FZD3: variants seen among roughly 807,000 people sequenced by gnomAD.
FZD3 encodes the protein frizzled class receptor 3.
FZD3 carries 30 observed loss-of-function variants against 60.7 expected under a neutral mutation model. The observed-to-expected ratio is 0.49, with a 90% confidence interval of 0.37 to 0.67. The LOEUF (loss-of-function observed/expected upper bound fraction) is 0.67, where lower values mean the gene tolerates loss of function less well. Ranked by LOEUF, FZD3 falls within the 30% of genes least tolerant of loss-of-function variation. The probability of loss-of-function intolerance (pLI) is 0.00; values close to 1 mark genes in which losing one functional copy is unlikely to be tolerated. For missense variants in FZD3, 605 were observed against 838.7 expected, an observed-to-expected ratio of 0.72 and a Z score of 3.44; for synonymous variants, 246 against 275.2, an observed-to-expected ratio of 0.89 and a Z score of 1.05.
chr8:28,532,727 T>C (rs896590228), intron 5 of FZD3, among the ~76,000 whole-genome samples: 3 of 152,192 alleles, frequency 2.0e-5, no homozygotes, highest in African/African-American at 7.2e-5. Context: ...TTATTTTGTG[T>C]ATTGGTTTTA....
rs574560114 is a variant in FZD3, at chr8:28,567,638, A to G, written c.*4627A>G. ...TATAGAAAACAAGGTTACAGTCTTC[A>G]TTAGTATTTCTTTTTAGCAATAACA... is the stretch of plus-strand genomic sequence containing the variant. On this transcript the variant is annotated 3_prime_UTR_variant, in exon 8 of 8. Transcript: ENST00000240093. 7.2e-5 allele frequency: 11 copies of G among 152,282 alleles called. No homozygotes were observed. Among genetic ancestry groups the G allele is most frequent in the African/African-American group, 1.9e-4 (8 of 41,556 alleles). 9.4% of individuals were successfully genotyped at this position (152,282 alleles called of 1,614,324 possible). A position where few individuals can be genotyped will look rare whatever the true frequency, so the allele number is the denominator to read the frequency against.
rs141694880 is a variant in FZD3, at chr8:28,535,836, C to T, written c.1404+7672C>T. On this transcript the variant is annotated intron_variant, in intron 5 of 7. Coordinates refer to ENST00000240093, the MANE Select transcript of FZD3 (RefSeq NM_017412.4). ...ATAATAATTTCCTCTATTTTTAGTG[C>T]CTTCTAAGAGTTTCAGAGTATCCTG... Among the ~76,000 whole-genome samples, 517 of 152,136 alleles carry T rather than the reference C, an allele frequency of 3.4e-3. 3 individuals carry two copies. The highest frequency in any genetic ancestry group is 0.012 in the African/African-American group (499 of 41,494).
intron 1 of FZD3, among the ~76,000 whole-genome samples, chr8:28,498,564 A>G (rs921267073): frequency 1.3e-5 from 2 of 152,112 alleles, no homozygotes; most frequent in African/African-American, 4.8e-5. Flanking sequence ...ATGTTTATCA[A>G]AAGTTTTTAT....
Position 28,551,600 on chromosome 8 carries a change from C to T in FZD3, c.1405-3C>T. ...TAAGATGCTTTTCTTTCTGTTCTTC[C>T]AGGTTACTCAAATGAGTCGTCCAGA... On this transcript the variant is annotated splice_polypyrimidine_tract_variant and splice_region_variant and intron_variant, in intron 5 of 7. Transcript: ENST00000240093. 6.3e-7 allele frequency: 1 copy of T among 1,587,786 alleles called. No homozygotes were observed. Among genetic ancestry groups the T allele is most frequent in the Non-Finnish European group, 8.6e-7 (1 of 1,160,532 alleles).
chr8:28,559,939 AATAC>A (rs1472769081), intron 7 of FZD3, among the ~76,000 whole-genome samples: 1 of 152,242 alleles, frequency 6.6e-6, no homozygotes, highest in African/African-American at 2.4e-5. Context: ...GGCTGAGGTG[AATAC>A]ACCTACACAT....
rs575240121 is a variant in FZD3, at chr8:28,536,327, C to T, written c.1404+8163C>T. On this transcript the variant is annotated intron_variant, in intron 5 of 7. Coordinates refer to ENST00000240093, the MANE Select transcript of FZD3 (RefSeq NM_017412.4). ...AATTTTGACAATAGAACATTTATTT[C>T]GGTAACAGAAATGTGTTACCATAGT... Among the ~76,000 whole-genome samples the T allele has an allele frequency of 5.9e-5, 9 of 152,262 alleles. 1 individual carries two copies. The South Asian group carries it at 1.0e-3, about 18-fold the overall frequency.
At chr8:28,499,144 T>G (rs1430095873) in intron 1 of FZD3, among the ~76,000 whole-genome samples, 5 of 152,210 alleles carry the variant, frequency 3.3e-5, no homozygotes, top group Non-Finnish European at 5.9e-5. Context: ...CACAAAATAA[T>G]GTACTATAGG....
At position 28,567,076 on chromosome 8, in the gene FZD3, G is replaced by A. The variant is rs1175137003; in HGVS notation, c.*4065G>A. The A allele has an allele frequency of 6.6e-6, 1 of 152,200 alleles. No individual in the cohort carries two copies. Among genetic ancestry groups the A allele is most frequent in the East Asian group, 1.9e-4 (1 of 5,194 alleles). 9.4% of individuals were successfully genotyped at this position (152,200 alleles called of 1,614,324 possible). A position where few individuals can be genotyped will look rare whatever the true frequency, so the allele number is the denominator to read the frequency against. On this transcript the variant is annotated 3_prime_UTR_variant, in exon 8 of 8. Coordinates refer to ENST00000240093, the MANE Select transcript of FZD3 (RefSeq NM_017412.4). Reference sequence around the variant, plus strand: ...AGTTCATTATAACCTTGAACTCCTAGGCTCAAGCAGTCCTCCAGCTTCAGC... The same window carrying A: ...AGTTCATTATAACCTTGAACTCCTAAGCTCAAGCAGTCCTCCAGCTTCAGC...
chr8:28,525,648 A>G (rs1317767747), intron 4 of FZD3, among the ~76,000 whole-genome samples: 1 of 152,152 alleles, frequency 6.6e-6, no homozygotes, highest in Non-Finnish European at 1.5e-5. Context: ...TAGCTCTGGT[A>G]AGGAATTTGG....
At position 28,555,833 on chromosome 8, in the gene FZD3, G is replaced by T. The variant is rs1254599094; in HGVS notation, c.1649G>T (p.Gly550Val). ...ACTCCTATCATAAGAAAGTCAAGGGGAACTTCCACTCAAGGAACATCCACC... is the reference window on the plus strand; with the variant it reads ...ACTCCTATCATAAGAAAGTCAAGGGTAACTTCCACTCAAGGAACATCCACC... Reference protein sequence around the residue: ...PNTPIIRKSRGTSTQGTSTHA... With the variant: ...PNTPIIRKSRVTSTQGTSTHA... Residue 550 changes from glycine to valine, a missense_variant, in exon 7 of 8, where the codon GGA becomes GTA. Coordinates refer to ENST00000240093, the MANE Select transcript of FZD3 (RefSeq NM_017412.4). The T allele has an allele frequency of 6.2e-7, 1 of 1,613,300 alleles. No homozygotes were observed. Among genetic ancestry groups the T allele is most frequent in the Non-Finnish European group, 8.5e-7 (1 of 1,179,372 alleles).
At chr8:28,543,618 T>C (rs1050127787) in intron 5 of FZD3, among the ~76,000 whole-genome samples, 14 of 152,048 alleles carry the variant, frequency 9.2e-5, no homozygotes, top group Non-Finnish European at 2.1e-4. Context: ...TGACCTCAAG[T>C]GATGTGCTCG....
At chr8:28,519,147 A>G (rs951578327) in intron 3 of FZD3, among the ~76,000 whole-genome samples, 1 of 152,216 alleles carries the variant, frequency 6.6e-6, no homozygotes, top group Admixed American at 6.5e-5. Context: ...AATAATATAC[A>G]TCAGTGCAGA....
chr8:28,549,915 C>A (rs1339676592), intron 5 of FZD3, among the ~76,000 whole-genome samples: 1 of 151,994 alleles, frequency 6.6e-6, no homozygotes, highest in Non-Finnish European at 1.5e-5. Flanking sequence ...CTGTTTGGTC[C>A]TGGCCTATTC....
At chr8:28,543,850 C>CTGGGGAAAAACTTTATG (rs1805233032) in intron 5 of FZD3, among the ~76,000 whole-genome samples, 1 of 152,022 alleles carries the variant, frequency 6.6e-6, no homozygotes, top group African/African-American at 2.4e-5. Context: ...AAAGTTTTTC[C>CTGGGGAAAAACTTTATG]AGCTTAATAG....
intron 5 of FZD3, among the ~76,000 whole-genome samples, chr8:28,541,482 C>T (rs905712133): frequency 7.2e-5 from 11 of 152,266 alleles, no homozygotes; most frequent in Middle Eastern, 3.4e-3. Context: ...ATTTATGTTA[C>T]GTGAACAATA....
intron 5 of FZD3, among the ~76,000 whole-genome samples, chr8:28,537,077 G>T (rs896634891): frequency 6.6e-6 from 1 of 152,002 alleles, no homozygotes; most frequent in South Asian, 2.1e-4. Context: ...ACTTCCTAGG[G>T]CCAAACCTCA....
rs1585203097 is a variant in FZD3, at chr8:28,573,827, G to T, written c.*10816G>T. On this transcript the variant is annotated 3_prime_UTR_variant, in exon 8 of 8. Transcript: ENST00000240093. ...ATTTTTAAATAGCTGGCACTTAGCA[G>T]TTTAGTTTTCCAAACTTTATTCTGA... 6.6e-6 allele frequency: 1 copy of T among 152,146 alleles called. No homozygotes were observed. Among genetic ancestry groups the T allele is most frequent in the Middle Eastern group, 3.4e-3 (1 of 294 alleles). 9.4% of individuals were successfully genotyped at this position (152,146 alleles called of 1,614,324 possible).
chr8:28,566,144 G>C lies in FZD3; in HGVS notation c.*3133G>C, dbSNP rs1468197096. 2 of 152,068 alleles carry C rather than the reference G, an allele frequency of 1.3e-5. No individual in the cohort carries two copies. Among genetic ancestry groups the C allele is most frequent in the Non-Finnish European group, 2.9e-5 (2 of 67,990 alleles). The allele number at this position is 152,068 out of a possible 1,614,324, so 9.4% of individuals were successfully genotyped here. Reference sequence around the variant, plus strand: ...TGTCACACAACTTGCTTTTACCCTAGTACTGAGTCTCACATCAAAGAAATT... The same window carrying C: ...TGTCACACAACTTGCTTTTACCCTACTACTGAGTCTCACATCAAAGAAATT... On this transcript the variant is annotated 3_prime_UTR_variant, in exon 8 of 8. Coordinates refer to ENST00000240093, the MANE Select transcript of FZD3 (RefSeq NM_017412.4).
At chr8:28,522,518 C>CT (rs1170673290) in intron 4 of FZD3, among the ~76,000 whole-genome samples, 4 of 152,138 alleles carry the variant, frequency 2.6e-5, no homozygotes, top group Non-Finnish European at 5.9e-5. Context: ...TCCAGTCTCT[C>CT]TTTTAGAAGT....
Sources: gnomAD v4.1 joint callset for allele counts (sites outside exome capture counted in the v4.1 genomes callset) on GRCh38, gnomAD v4.1.1 for gene constraint, MANE v1.5 for transcripts, NCBI Gene and HGNC (gene_info 2026-07-23, HGNC 2026-07-21) for gene names.